FASTKD2: variants seen among roughly 807,000 people sequenced by gnomAD.
FASTKD2 encodes the protein FAST kinase domain-containing protein 2, mitochondrial.
Under a neutral mutation model 63.6 loss-of-function variants are expected in FASTKD2, and 51 were observed. That is an observed-to-expected ratio of 0.80 (90% CI 0.64 to 1.01). The LOEUF is 1.01. FASTKD2 is among the 50% of genes least tolerant of loss of function. The probability of loss-of-function intolerance (pLI) is 0.00; values close to 1 mark genes in which losing one functional copy is unlikely to be tolerated. For synonymous variants in FASTKD2, 284 were observed against 293.4 expected (o/e 0.97, Z 0.33); for missense variants, 786 against 831.1 (o/e 0.95, Z 0.67).
intron 3 of FASTKD2, 68 bp downstream of exon 3, chr2:206,770,262 T>G: frequency 1.9e-6 from 2 of 1,064,882 alleles, no homozygotes; most frequent in South Asian, 1.3e-5. Context: ...ATAAAAAAAT[T>G]GAGATGAAAA....
At position 206,788,838 on chromosome 2, in the gene FASTKD2, C is replaced by G; in HGVS notation, c.1833C>G (p.Asp611Glu). ...TTTCAGATTTTGAAATCAGAATGGA[C>G]ACTAACAGGAATCAAGTGCTACCAC... ...NYHIDFEIRM[D>E]TNRNQVLPLS... Residue 611 changes from aspartate (D) to glutamate (E), a missense_variant, in exon 10 of 12, where the codon GAC becomes GAG. Asp to Glu is a conservative substitution (Grantham distance 45). Transcript: ENST00000402774. The G allele has an allele frequency of 6.4e-7, 1 of 1,555,904 alleles. No individual in the cohort carries two copies. Among genetic ancestry groups the G allele is most frequent in the Non-Finnish European group, 8.9e-7 (1 of 1,127,886 alleles).
In FASTKD2 at chr2:206,782,569, G is replaced by C. The variant is rs530974819; in HGVS notation, c.1428-4164G>C. ...ATGTGCCAGCTTCTTTCATACCTCT[G>C]CTTTCTACCCAGAACATCTTTTCTT... On this transcript the variant is annotated intron_variant, in intron 7 of 11. Transcript: ENST00000402774. 4.6e-5 allele frequency among the ~76,000 whole-genome samples: 7 copies of C among 152,244 alleles called. No homozygotes were observed. In the South Asian group the frequency reaches 6.2e-4, roughly 14 times the overall value.
At position 206,770,188 on chromosome 2, in the gene FASTKD2, G is replaced by T. The variant is rs1241158235; in HGVS notation, c.875G>T (p.Gly292Val). 2 of 1,584,648 alleles carry T rather than the reference G, an allele frequency of 1.3e-6. No individual in the cohort carries two copies. Among genetic ancestry groups the T allele is most frequent in the Non-Finnish European group, 1.7e-6 (2 of 1,153,140 alleles). Residue 292 changes from glycine (G) to valine (V), a missense_variant, in exon 3 of 12, where the codon GGA becomes GTA. Transcript: ENST00000402774. ...AAGAATGTTCATGTTCTACGAACGG[G>T]ATTCAGGTGAGAACTCTCTTATGCT... ...PCKNVHVLRT[G>V]FRILVDQQVW...
At chr2:206,790,735 C>T (rs1438539399) in intron 11 of FASTKD2, 49 bp downstream of exon 11, 1 of 1,072,972 alleles carries the variant, frequency 9.3e-7, no homozygotes, top group Non-Finnish European at 1.5e-6. Flanking sequence ...GATGTACATT[C>T]TAACAGCTGC....
chr2:206,777,419 A>G (rs1431306672), intron 7 of FASTKD2, among the ~76,000 whole-genome samples: 3 of 152,100 alleles, frequency 2.0e-5, no homozygotes, highest in Non-Finnish European at 4.4e-5. Flanking sequence ...TTCTGCATCT[A>G]ATTAGATGAT....
chr2:206,782,032 G>T (rs1690000039), intron 7 of FASTKD2, among the ~76,000 whole-genome samples: 1 of 152,178 alleles, frequency 6.6e-6, no homozygotes. Flanking sequence ...TGTGCTGAGT[G>T]CAGGAAGCTG....
At chr2:206,773,539 C>A (rs781124668) in intron 6 of FASTKD2, among the ~76,000 whole-genome samples, 23 of 152,082 alleles carry the variant, frequency 1.5e-4, no homozygotes, top group Non-Finnish European at 2.8e-4. Context: ...AGAATATAAA[C>A]ATTTAATGAA....
rs1017859518 is a variant in FASTKD2, at chr2:206,786,760, T to C, written c.1455T>C (p.Ala485=). The C allele has an allele frequency of 9.9e-6, 16 of 1,613,870 alleles. No homozygotes were observed. The South Asian group carries it at 1.2e-4, about 12-fold the overall frequency. Residue 485 remains alanine (A), a synonymous_variant, in exon 8 of 12, where the codon GCT becomes GCC. Transcript: ENST00000402774. ...KEQFVEVMAS[A]LTGYLHTISS... ...AGTTCGTGGAAGTTATGGCTAGTGCTCTGACTGGTTATCTTCACACTATTT... is the reference window on the plus strand; with the variant it reads ...AGTTCGTGGAAGTTATGGCTAGTGCCCTGACTGGTTATCTTCACACTATTT...
intron 7 of FASTKD2, among the ~76,000 whole-genome samples, chr2:206,781,792 C>T (rs1689988687): frequency 6.6e-6 from 1 of 151,222 alleles, no homozygotes; most frequent in South Asian, 2.1e-4. Flanking sequence ...GTAGAGAAGC[C>T]TTGAGTTGTG....
At chr2:206,787,620 C>T (rs1690169694) in intron 8 of FASTKD2, among the ~76,000 whole-genome samples, 1 of 152,018 alleles carries the variant, frequency 6.6e-6, no homozygotes, top group African/African-American at 2.4e-5. Context: ...ATTCTAGTTC[C>T]AACTTTGCCT....
rs138702734 is a variant in FASTKD2, at chr2:206,768,387, G to A, written c.777+917G>A. Among the ~76,000 whole-genome samples the A allele has an allele frequency of 3.6e-4, 55 of 152,236 alleles. 1 individual carries two copies. The East Asian group carries it at 9.3e-3, about 26-fold the overall frequency. On this transcript the variant is annotated intron_variant, in intron 2 of 11. Transcript: ENST00000402774. The stretch of plus-strand genomic sequence containing the variant: ...TGTTTTAAGAGTGTACACTTCTGAC[G>A]TATAAACTCAGTGATAATGAAGTAA...
chr2:206,788,358 A>G (rs1690191636), intron 9 of FASTKD2, among the ~76,000 whole-genome samples: 1 of 152,190 alleles, frequency 6.6e-6, no homozygotes, highest in Non-Finnish European at 1.5e-5. Flanking sequence ...CAAGACTAGT[A>G]TCTGACACAT....
chr2:206,780,317 C>T (rs1454537194), intron 7 of FASTKD2, among the ~76,000 whole-genome samples: 2 of 152,080 alleles, frequency 1.3e-5, no homozygotes, highest in African/African-American at 4.8e-5. Context: ...CCTTGGCTTT[C>T]GTTTGTTTGG....
In FASTKD2 at chr2:206,786,845, G is replaced by A. The variant is rs760621926; in HGVS notation, c.1540G>A (p.Ala514Thr). The A allele has an allele frequency of 2.5e-6, 4 of 1,612,778 alleles. No individual in the cohort carries two copies. Among genetic ancestry groups the A allele is most frequent in the Non-Finnish European group, 3.4e-6 (4 of 1,179,322 alleles). The change falls in exon 8 of 12, where the codon GCT becomes ACT. Residue 514 changes from alanine (A) to threonine (T), a missense_variant. Physicochemically the swap from Ala to Thr is moderately conservative, Grantham distance 58. Transcript: ENST00000402774. The part of the protein sequence containing the change: ...SFCLMNYFPL[A>T]PFNQLLQKDI... ...TTGCTTGATGAATTACTTTCCCCTG[G>A]CTCCTTTTAATCAGCTTCTGCAAAA...
At chr2:206,790,772 A>G (rs1690263600) in intron 11 of FASTKD2, 86 bp downstream of exon 11, 6 of 823,194 alleles carry the variant, frequency 7.3e-6, no homozygotes, top group Non-Finnish European at 1.1e-5. Flanking sequence ...GAGACTGGTT[A>G]CTAGGACTAG....
At chr2:206,772,641 C>G (rs1689716424) in intron 6 of FASTKD2, among the ~76,000 whole-genome samples, 1 of 152,160 alleles carries the variant, frequency 6.6e-6, no homozygotes. Flanking sequence ...TTGTATGATG[C>G]TCTCTTTTCA....
At chr2:206,778,422 G>A (rs1366474898) in intron 7 of FASTKD2, among the ~76,000 whole-genome samples, 2 of 152,006 alleles carry the variant, frequency 1.3e-5, no homozygotes, top group African/African-American at 4.8e-5. Context: ...GTTCAAGAGT[G>A]TGTTGTTTAA....
chr2:206,784,392 A>G (rs1690078925), intron 7 of FASTKD2, among the ~76,000 whole-genome samples: 1 of 152,230 alleles, frequency 6.6e-6, no homozygotes, highest in Admixed American at 6.5e-5. Context: ...GTTAGATAGG[A>G]GAGTGGTAGG....
chr2:206,788,496 G>A (rs1256189705), intron 9 of FASTKD2, among the ~76,000 whole-genome samples: 1 of 152,032 alleles, frequency 6.6e-6, no homozygotes, highest in Non-Finnish European at 1.5e-5. Context: ...CATGTGGAGA[G>A]GCCGAGGCAG....
Sources: gnomAD v4.1 joint callset for allele counts (sites outside exome capture counted in the v4.1 genomes callset) on GRCh38, gnomAD v4.1.1 for gene constraint, MANE v1.5 for transcripts, NCBI Gene and HGNC (gene_info 2026-07-23, HGNC 2026-07-21) for gene names.